Variants in CCDC171 observed in about 807,000 individuals in gnomAD.
The protein encoded by CCDC171 is coiled-coil domain containing 171.
CCDC171 carries 177 observed loss-of-function variants against 168.2 expected under a neutral mutation model. That is an observed-to-expected ratio of 1.05 (90% confidence interval 0.93 to 1.19). The LOEUF (loss-of-function observed/expected upper bound fraction) is 1.19. Ranked by LOEUF, CCDC171 falls within the 50% of genes most tolerant of loss-of-function variation. The pLI is 0.00. For missense variants in CCDC171, 1,991 were observed against 1,539.0 expected (o/e 1.29, Z -4.91); for synonymous variants, 687 against 540.8 (o/e 1.27, Z -3.75).
chr9:15,868,202 T>A (rs1019945581), intron 23 of CCDC171, among the ~76,000 whole-genome samples: 2 of 152,010 alleles, frequency 1.3e-5, no homozygotes, highest in African/African-American at 2.4e-5. Context: ...GAGTTGTAGA[T>A]TAAGTTAAAT....
chr9:15,790,296 T>A (rs2058188368), intron 21 of CCDC171, among the ~76,000 whole-genome samples: 1 of 152,220 alleles, frequency 6.6e-6, no homozygotes, highest in Non-Finnish European at 1.5e-5. Context: ...TTCTAACTGG[T>A]GTGAAATGGT....
At chr9:15,713,637 A>G (rs1334735150) in intron 11 of CCDC171, among the ~76,000 whole-genome samples, 3 of 152,104 alleles carry the variant, frequency 2.0e-5, no homozygotes, top group Non-Finnish European at 2.9e-5. Flanking sequence ...CCCATTTTCA[A>G]AAGGAGAATA....
At chr9:16,000,384 C>G (rs1832505294) in intron 3 of CCDC171, among the ~76,000 whole-genome samples, 1 of 151,926 alleles carries the variant, frequency 6.6e-6, no homozygotes, top group Non-Finnish European at 1.5e-5. Flanking sequence ...CTTGAACTGC[C>G]CAAATGAGTT....
intron 2 of CCDC171, among the ~76,000 whole-genome samples, chr9:15,564,761 A>G (rs1234144058): frequency 1.3e-5 from 2 of 152,262 alleles, no homozygotes; most frequent in Non-Finnish European, 2.9e-5. Flanking sequence ...TTACAAAGAA[A>G]TAAGTACTGA....
chr9:15,739,640 T>G (rs2054721107), intron 16 of CCDC171, among the ~76,000 whole-genome samples: 1 of 152,194 alleles, frequency 6.6e-6, no homozygotes. Context: ...ACTATTCCTA[T>G]TAAAATAGAG....
intron 24 of CCDC171, among the ~76,000 whole-genome samples, chr9:15,906,086 C>T (rs566767771): frequency 6.6e-6 from 1 of 152,142 alleles, no homozygotes; most frequent in Non-Finnish European, 1.5e-5. Flanking sequence ...CCGAATTCTA[C>T]CAGAGGTACA....
Position 15,744,364 on chromosome 9 carries a change from A to C in CCDC171, c.2141A>C (p.Lys714Thr). The C allele has an allele frequency of 1.9e-6, 3 of 1,614,180 alleles. No individual in the cohort carries two copies. Residue 714 changes from lysine (K) to threonine (T), a missense_variant, in exon 17 of 26, where the codon AAA (lysine) becomes ACA (threonine). Lys to Thr is a moderately conservative substitution (Grantham distance 78). Transcript: ENST00000380701. ...TTGGTTCTTGAAAATTCGCACTTCAAAAAACTGTTATCACAGACTCAAAGG... is the reference window on the plus strand; with the variant it reads ...TTGGTTCTTGAAAATTCGCACTTCACAAAACTGTTATCACAGACTCAAAGG... ...EQLVLENSHF[K>T]KLLSQTQREQ...
At chr9:16,055,941 C>A (rs1833832032) in intron 1 of CCDC171, among the ~76,000 whole-genome samples, 1 of 152,176 alleles carries the variant, frequency 6.6e-6, no homozygotes, top group Non-Finnish European at 1.5e-5. Context: ...AACGTGTACC[C>A]TCTATATGCC....
At chr9:15,746,640 T>C (rs992057774) in intron 18 of CCDC171, among the ~76,000 whole-genome samples, 1 of 152,196 alleles carries the variant, frequency 6.6e-6, no homozygotes, top group Non-Finnish European at 1.5e-5. Flanking sequence ...GCTTCCAAGA[T>C]GGCCAAATAG....
Position 15,633,419 on chromosome 9 carries a change from A to G in CCDC171, c.822+10006A>G, listed in dbSNP as rs1048799449. On this transcript the variant is annotated intron_variant, in intron 7 of 25. Coordinates refer to ENST00000380701, the MANE Select transcript of CCDC171 (RefSeq NM_173550.4). ...TTTATGCAGCCAAAAAAACACATGA[A>G]AAAATGCTCACCGTCACTGGCCATC... Among the ~76,000 whole-genome samples the G allele has an allele frequency of 5.3e-4, 80 of 152,238 alleles. 1 individual carries two copies. Among genetic ancestry groups the G allele is most frequent in the Non-Finnish European group, 2.1e-4 (14 of 68,050 alleles).
chr9:15,946,565 G>T (rs887952552), intron 25 of CCDC171, among the ~76,000 whole-genome samples: 4 of 151,968 alleles, frequency 2.6e-5, no homozygotes, highest in African/African-American at 7.2e-5. Flanking sequence ...TGGGTAGGAA[G>T]AATCAATATC....
intron 4 of CCDC171, chr9:15,588,498 GA>G: frequency 4.7e-5 from 15 of 318,032 alleles, no homozygotes; most frequent in South Asian, 1.7e-4. Context: ...AAAGAAGGGA[GA>G]AAAGGTACCC....
chr9:15,827,712 G>C (rs1433484526), intron 21 of CCDC171, among the ~76,000 whole-genome samples: 1 of 152,012 alleles, frequency 6.6e-6, no homozygotes, highest in Non-Finnish European at 1.5e-5. Context: ...ATCTGATTCA[G>C]CTAGCTTGTG....
intron 12 of CCDC171, among the ~76,000 whole-genome samples, chr9:15,722,163 A>G (rs1042846168): frequency 6.6e-6 from 1 of 152,190 alleles, no homozygotes; most frequent in African/African-American, 2.4e-5. Context: ...GAAAAACACT[A>G]TGCAAGTAGT....
chr9:15,870,728 G>A (rs1345520323), intron 23 of CCDC171, among the ~76,000 whole-genome samples: 32 of 151,256 alleles, frequency 2.1e-4, no homozygotes, highest in Admixed American at 2.1e-3. Flanking sequence ...AAAGATGGAG[G>A]GAGTTGAGCA....
chr9:16,057,331 T>C (rs939518385), intron 1 of CCDC171, among the ~76,000 whole-genome samples: 5 of 152,292 alleles, frequency 3.3e-5, no homozygotes, highest in African/African-American at 1.2e-4. Flanking sequence ...TCTTTTACAA[T>C]ATGGAGAAAA....
At chr9:15,969,856 T>C (rs1467341335) in intron 25 of CCDC171, among the ~76,000 whole-genome samples, 2 of 152,110 alleles carry the variant, frequency 1.3e-5, no homozygotes, top group African/African-American at 2.4e-5. Flanking sequence ...GCAGTAAAAA[T>C]GCAGATGTGT....
chr9:15,854,008 T>C (rs1299473473), intron 23 of CCDC171, among the ~76,000 whole-genome samples: 2 of 147,718 alleles, frequency 1.4e-5, no homozygotes, highest in African/African-American at 5.2e-5. Flanking sequence ...TGCTAGGTTT[T>C]TTTTTTTTTT....
At chr9:15,864,362 A>C (rs941404238) in intron 23 of CCDC171, among the ~76,000 whole-genome samples, 1 of 152,006 alleles carries the variant, frequency 6.6e-6, no homozygotes, top group Non-Finnish European at 1.5e-5. Context: ...CACAATGTGC[A>C]GGTTTGTTAC....
Sources: allele counts gnomAD v4.1 joint callset (sites outside exome capture counted in the v4.1 genomes callset), GRCh38; gene constraint gnomAD v4.1.1; transcripts MANE v1.5; gene names NCBI Gene and HGNC (gene_info 2026-07-23, HGNC 2026-07-21).